Variants in DIAPH3 observed in about 807,000 individuals in gnomAD.
DIAPH3 encodes the protein protein diaphanous homolog 3.
DIAPH3 carries 117 observed loss-of-function variants against 144.3 expected under a neutral mutation model. That is an observed-to-expected ratio of 0.81 (90% CI 0.70 to 0.95). DIAPH3 has a LOEUF of 0.95. Among genes scored for constraint, DIAPH3 ranks in the 40% least tolerant of loss-of-function variants. The probability of loss-of-function intolerance (pLI) is 0.00; values close to 1 mark genes in which losing one functional copy is unlikely to be tolerated. For synonymous variants in DIAPH3, 519 were observed against 488.9 expected, an observed-to-expected ratio of 1.06 and a Z score of -0.81; for missense variants, 1,421 against 1,412.7, an observed-to-expected ratio of 1.01 and a Z score of -0.09.
intron 25 of DIAPH3, among the ~76,000 whole-genome samples, chr13:59,793,829 G>A (rs1449716210): frequency 6.6e-6 from 1 of 152,150 alleles, no homozygotes; most frequent in Non-Finnish European, 1.5e-5. Flanking sequence ...AGGACTTTCA[G>A]TGATAAAACT....
rs564278274 is a variant in DIAPH3 at position 59,954,398 on chromosome 13, AC to A, written c.2074+15545del. Among the ~76,000 whole-genome samples, 5 of 152,192 alleles carry A rather than the reference AC, an allele frequency of 3.3e-5. No homozygotes were observed. In the East Asian group the frequency reaches 9.7e-4, roughly 29 times the overall value. ...TTCTAACAGCTGCTCTGGCCTTATAACCCCAATATAATCAAAAATAATGATA... is the reference window on the plus strand; with the variant it reads ...TTCTAACAGCTGCTCTGGCCTTATAACCCAATATAATCAAAAATAATGATA... On this transcript the variant is annotated intron_variant, in intron 17 of 27. Transcript: ENST00000400324.
chr13:59,992,589 AG>A lies in DIAPH3; in HGVS notation c.1015-7del. The stretch of plus-strand genomic sequence containing the variant: ...ATGAGCTGCATACAAGCTACCTACA[AG>A]AGATCAAACAGTGAGACAGACTGGG... On this transcript the variant is annotated splice_region_variant and splice_polypyrimidine_tract_variant and intron_variant, in intron 9 of 27. Coordinates refer to ENST00000400324, the MANE Select transcript of DIAPH3 (RefSeq NM_001042517.2). 6.2e-7 allele frequency: 1 copy of A among 1,607,716 alleles called. No individual in the cohort carries two copies. Among genetic ancestry groups the A allele is most frequent in the Non-Finnish European group, 8.5e-7 (1 of 1,175,478 alleles).
chr13:59,942,371 T>A (rs894270624), intron 17 of DIAPH3, among the ~76,000 whole-genome samples: 2 of 152,150 alleles, frequency 1.3e-5, no homozygotes, highest in African/African-American at 4.8e-5. Context: ...ACAATTTTTT[T>A]AGATTCATTT....
Position 59,773,915 on chromosome 13 carries a change from T to C in DIAPH3, c.3319+274A>G, listed in dbSNP as rs1593812933. Reference sequence around the variant, plus strand: ...TGAGAAAGAGTGCCTTGGATAACACTGATCAGCAATGATTGAATGTTAACT... The same window carrying C: ...TGAGAAAGAGTGCCTTGGATAACACCGATCAGCAATGATTGAATGTTAACT... On this transcript the variant is annotated intron_variant, in intron 27 of 27. Coordinates refer to ENST00000400324, the MANE Select transcript of DIAPH3 (RefSeq NM_001042517.2). 3 of 360,148 alleles carry C rather than the reference T, an allele frequency of 8.3e-6. No homozygotes were observed. The East Asian group carries it at 1.5e-4, about 18-fold the overall frequency. The allele number at this position is 360,148 out of a possible 1,614,324, so 22.3% of individuals were successfully genotyped here.
intron 4 of DIAPH3, among the ~76,000 whole-genome samples, chr13:60,048,088 A>G (rs1030944529): frequency 6.6e-6 from 1 of 152,262 alleles, no homozygotes; most frequent in African/African-American, 2.4e-5. Context: ...GGATTGCATC[A>G]TAAGAGAAGA....
chr13:59,799,492 T>C (rs1165787748), intron 25 of DIAPH3, among the ~76,000 whole-genome samples: 6 of 152,120 alleles, frequency 3.9e-5, no homozygotes, highest in African/African-American at 1.4e-4. Context: ...ACTGCATTTA[T>C]AGAAATAGTT....
Position 60,085,423 on chromosome 13 carries a change from G to A in DIAPH3, c.495+8205C>T, listed in dbSNP as rs57890966. Among the ~76,000 whole-genome samples, 799 of 152,160 alleles carry A rather than the reference G, an allele frequency of 5.3e-3. 5 individuals carry two copies. Among genetic ancestry groups the A allele is most frequent in the African/African-American group, 0.018 (750 of 41,530 alleles). On this transcript the variant is annotated intron_variant, in intron 4 of 27. Transcript: ENST00000400324. ...TATACTAAGAGACATCTGGTGATAA[G>A]GCTCATCTTCTGCAGCCCAGTAATT...
intron 5 of DIAPH3, among the ~76,000 whole-genome samples, chr13:60,042,003 T>C (rs1218129747): frequency 6.6e-6 from 1 of 152,180 alleles, no homozygotes; most frequent in Non-Finnish European, 1.5e-5. Context: ...GTCTGTCTCC[T>C]ACCATGCAAT....
chr13:59,860,638 T>C (rs1403249128), intron 22 of DIAPH3, among the ~76,000 whole-genome samples: 3 of 151,812 alleles, frequency 2.0e-5, no homozygotes, highest in African/African-American at 4.8e-5. Flanking sequence ...CTCAGGAGGC[T>C]GAGGCAGGAG....
At chr13:60,156,943 T>A (rs915995876) in intron 1 of DIAPH3, among the ~76,000 whole-genome samples, 4,978 of 28,636 alleles carry the variant, frequency 0.17, 142 homozygotes, top group East Asian at 0.29. Context: ...ATATATATTT[T>A]TTTTTTTTTT....
chr13:60,146,325 C>T (rs1951520186), intron 1 of DIAPH3, among the ~76,000 whole-genome samples: 1 of 152,064 alleles, frequency 6.6e-6, no homozygotes, highest in Admixed American at 6.6e-5. Context: ...GTTTACAATC[C>T]AATAAGTTCT....
chr13:60,016,041 T>C, intron 6 of DIAPH3, 30 bp downstream of exon 6: 1 of 1,610,324 alleles, frequency 6.2e-7, no homozygotes, highest in Non-Finnish European at 8.5e-7. Flanking sequence ...GAATGATGCT[T>C]ACTTGAAAAT....
At chr13:59,863,478 A>G (rs2043724938) in intron 21 of DIAPH3, among the ~76,000 whole-genome samples, 1 of 152,172 alleles carries the variant, frequency 6.6e-6, no homozygotes, top group East Asian at 1.9e-4. Context: ...TATCAGAAAA[A>G]TACCAAATAA....
chr13:59,694,752 T>G (rs182460975), intron 27 of DIAPH3, among the ~76,000 whole-genome samples: 107 of 152,250 alleles, frequency 7.0e-4, no homozygotes, highest in Non-Finnish European at 1.8e-4. Flanking sequence ...AGTTGTAGAA[T>G]GAAACAAAGT....
intron 3 of DIAPH3, among the ~76,000 whole-genome samples, chr13:60,103,981 A>T (rs757381357): frequency 1.1e-4 from 16 of 152,234 alleles, no homozygotes; most frequent in African/African-American, 3.9e-4. Context: ...AAAAAACAGA[A>T]GATTTCATGA....
chr13:59,861,203 T>C, intron 22 of DIAPH3: 1 of 1,461,764 alleles, frequency 6.8e-7, no homozygotes, highest in Admixed American at 2.6e-5. Context: ...ATATAAGGCC[T>C]CATCATCTAA....
chr13:59,801,005 T>A, intron 25 of DIAPH3, among the ~76,000 whole-genome samples: 1 of 152,128 alleles, frequency 6.6e-6, no homozygotes, highest in East Asian at 1.9e-4. Flanking sequence ...TATCAAACCA[T>A]AAAATAAATA....
intron 12 of DIAPH3, among the ~76,000 whole-genome samples, chr13:59,984,108 A>C (rs2051217535): frequency 6.6e-6 from 1 of 151,700 alleles, no homozygotes; most frequent in Admixed American, 6.6e-5. Flanking sequence ...CTTTTAGGAA[A>C]TACAGTATCC....
In DIAPH3 at chr13:59,751,392, T is replaced by G. The variant is rs1054924875; in HGVS notation, c.3319+22797A>C. On this transcript the variant is annotated intron_variant, in intron 27 of 27. Transcript: ENST00000400324. ...GTTAATAGCCTGAAACAAATATCAT[T>G]ATGGATCCATTCCTTTAAAATTCCA... Among the ~76,000 whole-genome samples, 6 of 152,226 alleles carry G rather than the reference T, an allele frequency of 3.9e-5. 1 individual carries two copies. The highest frequency in any genetic ancestry group is 1.4e-4 in the African/African-American group (6 of 41,458).
Sources: allele counts gnomAD v4.1 joint callset (sites outside exome capture counted in the v4.1 genomes callset), GRCh38; gene constraint gnomAD v4.1.1; transcripts MANE v1.5; gene names NCBI Gene and HGNC (gene_info 2026-07-23, HGNC 2026-07-21).